FGF10: variants seen among roughly 807,000 people sequenced by gnomAD.
FGF10 encodes fibroblast growth factor 10.
In FGF10, 2 loss-of-function variants were observed where a neutral mutation model predicts 19.8. The ratio of observed to expected loss-of-function variants is 0.10; its 90% confidence interval spans 0.04 to 0.32. The LOEUF (loss-of-function observed/expected upper bound fraction) is 0.32, where lower values mean the gene tolerates loss of function less well. Among genes scored for constraint, FGF10 ranks in the 10% least tolerant of loss-of-function variants. The pLI is 1.00. For missense variants in FGF10, 191 were observed against 246.3 expected, an observed-to-expected ratio of 0.78 and a Z score of 1.50; for synonymous variants, 112 against 94.0, an observed-to-expected ratio of 1.19 and a Z score of -1.10.
intron 1 of FGF10, among the ~76,000 whole-genome samples, chr5:44,346,861 T>C (rs1156523743): frequency 2.6e-5 from 4 of 151,884 alleles, no homozygotes; most frequent in Non-Finnish European, 5.9e-5. Flanking sequence ...CTGTGTCAAC[T>C]AATTTAAATT....
intron 1 of FGF10, among the ~76,000 whole-genome samples, chr5:44,379,856 C>G (rs1216469472): frequency 2.0e-5 from 3 of 152,166 alleles, no homozygotes; most frequent in Admixed American, 6.5e-5. Context: ...TGTGTCTAAA[C>G]ACTCTAGGGC....
At chr5:44,325,737 G>A in intron 1 of FGF10, among the ~76,000 whole-genome samples, 1 of 142,966 alleles carries the variant, frequency 7.0e-6, no homozygotes, top group Non-Finnish European at 1.5e-5. Context: ...CCTGGGGAGG[G>A]GGGAGGGATA....
Position 44,302,965 on chromosome 5 carries a change from A to T in FGF10, c.*2030T>A, listed in dbSNP as rs1404618157. 6.6e-6 allele frequency among the ~76,000 whole-genome samples: 1 copy of T among 152,178 alleles called. No individual in the cohort carries two copies. Among genetic ancestry groups the T allele is most frequent in the Non-Finnish European group, 1.5e-5 (1 of 68,032 alleles). On this transcript the variant is annotated 3_prime_UTR_variant, in exon 3 of 3. Transcript: ENST00000264664. ...AGGTGCAATTATTATTTTAAAATAA[A>T]GGAAAAAAAGATACCTAGTTTTGAT...
At chr5:44,338,499 T>C (rs1164691124) in intron 1 of FGF10, among the ~76,000 whole-genome samples, 1 of 152,184 alleles carries the variant, frequency 6.6e-6, no homozygotes, top group Admixed American at 6.5e-5. Flanking sequence ...CATATCTACA[T>C]TGAAAGATGC....
chr5:44,376,876 A>C (rs1741879507), intron 1 of FGF10, among the ~76,000 whole-genome samples: 1 of 152,048 alleles, frequency 6.6e-6, no homozygotes, highest in Admixed American at 6.6e-5. Context: ...TACTTCAAAA[A>C]GTAAAAATGA....
chr5:44,336,204 CT>C (rs1268057415), intron 1 of FGF10, among the ~76,000 whole-genome samples: 5 of 151,794 alleles, frequency 3.3e-5, no homozygotes, highest in Admixed American at 3.3e-4. Flanking sequence ...GATTCTCTTT[CT>C]TTTTTTCTAA....
intron 1 of FGF10, among the ~76,000 whole-genome samples, chr5:44,313,615 A>G: frequency 6.6e-6 from 1 of 151,734 alleles, no homozygotes; most frequent in East Asian, 1.9e-4. Context: ...TCAAAGAAAC[A>G]CCTGAAAATT....
At chr5:44,364,224 T>C (rs1741553404) in intron 1 of FGF10, among the ~76,000 whole-genome samples, 2 of 151,878 alleles carry the variant, frequency 1.3e-5, no homozygotes, top group Admixed American at 6.6e-5. Flanking sequence ...CCAAAGCCCT[T>C]AGACGTATTA....
At chr5:44,356,513 G>C (rs2111839966) in intron 1 of FGF10, among the ~76,000 whole-genome samples, 2 of 151,490 alleles carry the variant, frequency 1.3e-5, no homozygotes, top group Middle Eastern at 6.8e-3. Context: ...TCTTTGGAGA[G>C]TAATAATGTA....
At chr5:44,315,889 C>A (rs1284009305) in intron 1 of FGF10, among the ~76,000 whole-genome samples, 1 of 152,120 alleles carries the variant, frequency 6.6e-6, no homozygotes, top group Non-Finnish European at 1.5e-5. Context: ...GGTTTTACCT[C>A]TCTTTAAAAA....
chr5:44,349,790 G>C (rs1262039682), intron 1 of FGF10, among the ~76,000 whole-genome samples: 1 of 151,072 alleles, frequency 6.6e-6, no homozygotes, highest in Non-Finnish European at 1.5e-5. Context: ...TAATAAAGTT[G>C]AGTAGTTAAG....
intron 1 of FGF10, among the ~76,000 whole-genome samples, chr5:44,335,293 C>G (rs753902003): frequency 1.3e-5 from 2 of 152,016 alleles, no homozygotes; most frequent in African/African-American, 4.8e-5. Flanking sequence ...CCTTCCCTTC[C>G]CTCAAGCATG....
At chr5:44,349,205 A>G (rs201832859) in intron 1 of FGF10, among the ~76,000 whole-genome samples, 1 of 150,442 alleles carries the variant, frequency 6.6e-6, no homozygotes, top group East Asian at 2.0e-4. Flanking sequence ...ACTTGTCTCT[A>G]TAATCTTTTG....
At chr5:44,315,239 A>T (rs1392610288) in intron 1 of FGF10, among the ~76,000 whole-genome samples, 1 of 152,026 alleles carries the variant, frequency 6.6e-6, no homozygotes, top group Non-Finnish European at 1.5e-5. Flanking sequence ...GAGATAAAAT[A>T]TGTTATACAT....
rs77591570 is a variant in FGF10, at chr5:44,388,857, G to A, written c.-175C>T. The A allele has an allele frequency of 3.4e-4, 236 of 693,392 alleles. 3 individuals carry two copies. The East Asian group carries it at 5.7e-3, about 17-fold the overall frequency. The allele number at this position is 693,392 out of a possible 1,614,324, so 43.0% of individuals were successfully genotyped here. On this transcript the variant is annotated 5_prime_UTR_variant, in exon 1 of 3. Coordinates refer to ENST00000264664, the MANE Select transcript of FGF10 (RefSeq NM_004465.2). ...ACATCCATAACTCCTCGGAAAAGCCGGCTGACTCCCCTCGCTCCTTTCTCG... is the reference window on the plus strand; with the variant it reads ...ACATCCATAACTCCTCGGAAAAGCCAGCTGACTCCCCTCGCTCCTTTCTCG...
At chr5:44,336,103 T>G (rs1191076944) in intron 1 of FGF10, among the ~76,000 whole-genome samples, 1 of 151,788 alleles carries the variant, frequency 6.6e-6, no homozygotes, top group African/African-American at 2.4e-5. Flanking sequence ...TTTCATCATA[T>G]TTTAAAACCA....
intron 1 of FGF10, among the ~76,000 whole-genome samples, chr5:44,329,139 C>T (rs746624677): frequency 3.9e-5 from 6 of 152,094 alleles, no homozygotes; most frequent in Non-Finnish European, 7.4e-5. Flanking sequence ...AGGTGCATTT[C>T]ATTGATTCCT....
At chr5:44,365,786 G>C (rs1454192922) in intron 1 of FGF10, among the ~76,000 whole-genome samples, 1 of 151,954 alleles carries the variant, frequency 6.6e-6, no homozygotes, top group African/African-American at 2.4e-5. Flanking sequence ...GGTTAGAAGG[G>C]GGAGAACTAA....
chr5:44,310,756 A>T (rs1164133748), intron 1 of FGF10, among the ~76,000 whole-genome samples: 1 of 152,108 alleles, frequency 6.6e-6, no homozygotes, highest in Non-Finnish European at 1.5e-5. Flanking sequence ...GCTTTAAAAG[A>T]ATTCCCCTTC....
Sources: gnomAD v4.1 joint callset for allele counts (sites outside exome capture counted in the v4.1 genomes callset) on GRCh38, gnomAD v4.1.1 for gene constraint, MANE v1.5 for transcripts, NCBI Gene and HGNC (gene_info 2026-07-23, HGNC 2026-07-21) for gene names.